ANO7: variants seen among roughly 807,000 people sequenced by gnomAD.
The protein encoded by ANO7 is anoctamin 7.
A neutral mutation model predicts 115.8 loss-of-function variants in ANO7; 114 were observed. The ratio of observed to expected loss-of-function variants is 0.98; its 90% CI spans 0.85 to 1.15. The LOEUF is 1.15. Among genes scored for constraint, ANO7 ranks in the 50% most tolerant of loss-of-function variants. The pLI is 0.00. For synonymous variants in ANO7, 550 were observed against 498.2 expected, an observed-to-expected ratio of 1.10 and a Z score of -1.38; for missense variants, 1,302 against 1,201.2, an observed-to-expected ratio of 1.08 and a Z score of -1.24.
At chr2:241,199,280 A>G in intron 4 of ANO7, 36 bp from the exon 5 acceptor site, 1 of 1,580,714 alleles carries the variant, frequency 6.3e-7, no homozygotes, top group Non-Finnish European at 8.7e-7. Context: ...GCACACATGC[A>G]CCCTCAGGCT....
At chr2:241,229,911 TG>T, downstream of ANO7, 1 of 1,601,114 alleles carries the variant, frequency 6.2e-7, no homozygotes, top group South Asian at 1.1e-5. Flanking sequence ...CTTCGTGTGC[TG>T]GGGGTTTCAT....
rs145741004 is a variant in ANO7, at chr2:241,202,538, C to T, written c.723+234C>T. 2.6e-3 allele frequency among the ~76,000 whole-genome samples: 396 copies of T among 152,346 alleles called. 2 individuals carry two copies. The highest frequency in any genetic ancestry group is 9.1e-3 in the African/African-American group (378 of 41,578). Reference sequence around the variant, plus strand: ...GCAGCCCACACTGCGGTGCCCAACACGGGAACAGGCCGGTCCCTGGGCTCT... The same window carrying T: ...GCAGCCCACACTGCGGTGCCCAACATGGGAACAGGCCGGTCCCTGGGCTCT... On this transcript the variant is annotated intron_variant, in intron 8 of 24. Coordinates refer to ENST00000674324, the MANE Select transcript of ANO7 (RefSeq NM_001370694.2).
rs2068520497 is a variant in ANO7 at position 241,203,508 on chromosome 2, C to T, written c.889+10C>T. On this transcript the variant is annotated intron_variant, in intron 9 of 24. Transcript: ENST00000674324. This position sits in a 1 kb window ranked among gnomAD's most constrained non-coding sequence, Gnocchi z 4.8. ...TACTTCGCCTGGCTCGGTGAGTCCC[C>T]CCCGCTGCCCCCCAGACCACCTGGG... 1 of 1,454,726 alleles carries T rather than the reference C, an allele frequency of 6.9e-7. No individual in the cohort carries two copies. Among genetic ancestry groups the T allele is most frequent in the Non-Finnish European group, 9.1e-7 (1 of 1,100,010 alleles). 90.1% of individuals were successfully genotyped at this position (1,454,726 alleles called of 1,614,324 possible).
chr2:241,218,718 CTCGTGTCT>C (rs1574796911), intron 21 of ANO7, among the ~76,000 whole-genome samples: 2 of 152,214 alleles, frequency 1.3e-5, no homozygotes, highest in East Asian at 3.8e-4. Context: ...CGTCGGCAGA[CTCGTGTCT>C]TCAGAGCGGA....
Position 241,218,344 on chromosome 2 carries a change from C to G in ANO7, c.2284C>G (p.Pro762Ala). The change falls in exon 21 of 25, where the codon CCG becomes GCG. Residue 762 changes from proline to alanine, a missense_variant. Pro to Ala is a conservative substitution (Grantham distance 27, BLOSUM62 -1). Coordinates refer to ENST00000674324, the MANE Select transcript of ANO7 (RefSeq NM_001370694.2). ...GFLNFTLARA[P>A]SSFAAAHNRT... ...CCTCAACTTCACGCTGGCGCGAGCC[C>G]CGTCCTCCTTCGCCGCCGCGCACAA... The G allele has an allele frequency of 6.7e-7, 1 of 1,489,750 alleles. No individual in the cohort carries two copies. The highest frequency in any genetic ancestry group is 8.9e-7 in the Non-Finnish European group (1 of 1,124,830). 92.3% of individuals were successfully genotyped at this position (1,489,750 alleles called of 1,614,324 possible).
chr2:241,191,359 C>T, intron 3 of ANO7, 108 bp downstream of exon 3: 1 of 1,380,642 alleles, frequency 7.2e-7, no homozygotes, highest in Non-Finnish European at 1.0e-6. Context: ...TCAGTAGCCA[C>T]TCTGGGGCCA....
chr2:241,232,340 A>G, the ANO7 span, among the ~76,000 whole-genome samples: 1 of 150,642 alleles, frequency 6.6e-6, no homozygotes, highest in Non-Finnish European at 1.5e-5. Context: ...CAATGGCATG[A>G]TCTCAGCTCA....
In ANO7 at chr2:241,214,603, C is replaced by T. The variant is rs13405856; in HGVS notation, c.1729-202C>T. On this transcript the variant is annotated intron_variant, in intron 17 of 24. Transcript: ENST00000674324. ...CAGTGCCCCCTGCAGCTTTCCAATG[C>T]AGTCTTCCAGCTGGACCTGGGGGCT... Among the ~76,000 whole-genome samples, 1,026 of 152,294 alleles carry T rather than the reference C, an allele frequency of 6.7e-3. 13 individuals carry two copies. Among genetic ancestry groups the T allele is most frequent in the African/African-American group, 0.023 (965 of 41,556 alleles).
chr2:241,239,376 CT>C, the ANO7 span, among the ~76,000 whole-genome samples: 67 of 147,486 alleles, frequency 4.5e-4, no homozygotes, highest in Middle Eastern at 3.5e-3. The surrounding 1 kb of genome is among the most constrained non-coding windows in gnomAD (Gnocchi z 4.6). Context: ...TTCTCTCTCT[CT>C]TTTTTTTTTT....
chr2:241,201,599 G>A (rs1400326536), intron 7 of ANO7, among the ~76,000 whole-genome samples: 3 of 152,246 alleles, frequency 2.0e-5, no homozygotes, highest in African/African-American at 4.8e-5. Flanking sequence ...GCTCAAAATA[G>A]ATATTGGATC....
At chr2:241,219,731 CTTTT>C (rs11299376) in intron 21 of ANO7, among the ~76,000 whole-genome samples, 129 of 113,960 alleles carry the variant, frequency 1.1e-3, no homozygotes, top group African/African-American at 3.8e-3. Context: ...CCAGGCCTGG[CTTTT>C]TTTTTTTTTT....
chr2:241,217,376 T>C (rs1018461594), intron 19 of ANO7, among the ~76,000 whole-genome samples: 17 of 152,264 alleles, frequency 1.1e-4, no homozygotes, highest in South Asian at 2.1e-4. Flanking sequence ...GAGAAGCTGG[T>C]TGTAAAATCA....
chr2:241,210,404 G>T lies in ANO7; in HGVS notation c.1458+11G>T, dbSNP rs1233951810. The T allele has an allele frequency of 6.2e-7, 1 of 1,613,846 alleles. No individual in the cohort carries two copies. The highest frequency in any genetic ancestry group is 1.1e-5 in the South Asian group (1 of 91,092). The stretch of plus-strand genomic sequence containing the variant: ...CTTCTCGCAGCCTGGGTGAGCCTCT[G>T]CTGCCTGCCTCGGGGGGCCCTGAGC... On this transcript the variant is annotated intron_variant, in intron 14 of 24. Transcript: ENST00000674324.
intron 10 of ANO7, 54 bp downstream of exon 10, chr2:241,205,009 T>C (rs1487589157): frequency 8.4e-6 from 13 of 1,542,594 alleles, no homozygotes. Context: ...TCCAGATGGG[T>C]GTGGGGCGGG....
At chr2:241,206,192 G>A (rs1355144748) in intron 10 of ANO7, among the ~76,000 whole-genome samples, 23 of 21,952 alleles carry the variant, frequency 1.0e-3, no homozygotes, top group Middle Eastern at 0.036. Flanking sequence ...ACACAGGTGG[G>A]CAGGAGTGCT....
Position 241,191,856 on chromosome 2 carries a change from AGCT to A in ANO7, c.166+609_166+611del, listed in dbSNP as rs148677350. Among the ~76,000 whole-genome samples the A allele has an allele frequency of 6.0e-3, 914 of 152,356 alleles. 10 individuals are homozygous for A. The highest frequency in any genetic ancestry group is 0.021 in the African/African-American group (865 of 41,574). ...TGCTGGAGGGAGTGTAAAATGGTACAGCTGCTAAGGAAAACAGCAGTTCCTCAG... is the reference window on the plus strand; with the variant it reads ...TGCTGGAGGGAGTGTAAAATGGTACAGCTAAGGAAAACAGCAGTTCCTCAG... On this transcript the variant is annotated intron_variant, in intron 3 of 24. Transcript: ENST00000674324.
At position 241,214,887 on chromosome 2, in the gene ANO7, A is replaced by C. The variant is rs773871867; in HGVS notation, c.1811A>C (p.Gln604Pro). The C allele has an allele frequency of 6.2e-7, 1 of 1,612,644 alleles. No individual in the cohort carries two copies. The highest frequency in any genetic ancestry group is 8.5e-7 in the Non-Finnish European group (1 of 1,179,904). Residue 604 changes from glutamine (Q) to proline (P), a missense_variant, in exon 18 of 25, where the codon CAG (glutamine) becomes CCG (proline). Gln to Pro is a moderately conservative substitution (Grantham distance 76, BLOSUM62 -1). Coordinates refer to ENST00000674324, the MANE Select transcript of ANO7 (RefSeq NM_001370694.2). Reference sequence around the variant, plus strand: ...GGCAAGCAGGTCATCAACAACATGCAGGAGGTCCTCATCCCGTGAGTCCCC... The same window carrying C: ...GGCAAGCAGGTCATCAACAACATGCCGGAGGTCCTCATCCCGTGAGTCCCC... Reference protein sequence around the residue: ...MVGKQVINNMQEVLIPKLKGW... With the variant: ...MVGKQVINNMPEVLIPKLKGW...
chr2:241,237,494 C>G, the ANO7 span, among the ~76,000 whole-genome samples: 2 of 152,082 alleles, frequency 1.3e-5, no homozygotes, highest in Non-Finnish European at 2.9e-5. Flanking sequence ...GAGCAGGAGA[C>G]CAGACAGACG....
chr2:241,235,968 C>A, the ANO7 span: 1 of 228,756 alleles, frequency 4.4e-6, no homozygotes, highest in East Asian at 1.1e-4. Context: ...CTTCCCTGCC[C>A]TGTCCCTTGG....
Sources: gnomAD v4.1 joint callset for allele counts (sites outside exome capture counted in the v4.1 genomes callset) on GRCh38, gnomAD v4.1.1 for gene constraint, Gnocchi (gnomAD v3.1) non-coding constraint, MANE v1.5 for transcripts, NCBI Gene and HGNC (gene_info 2026-07-23, HGNC 2026-07-21) for gene names.